Variants in RUNX1 observed in about 807,000 individuals in gnomAD.
RUNX1 encodes the protein runt-related transcription factor 1.
RUNX1 carries 19 observed loss-of-function variants against 42.8 expected under a neutral mutation model. The ratio of observed to expected loss-of-function variants is 0.44; its 90% confidence interval spans 0.31 to 0.65. RUNX1 has a LOEUF of 0.65. Among genes scored for constraint, RUNX1 ranks in the 30% least tolerant of loss-of-function variants. The pLI is 0.07. For missense variants in RUNX1, 528 were observed against 672.0 expected, an observed-to-expected ratio of 0.79 and a Z score of 2.37; for synonymous variants, 271 against 289.4, an observed-to-expected ratio of 0.94 and a Z score of 0.64.
rs550041935 is a variant in RUNX1 at position 34,789,675 on chromosome 21, TG to T, written c.*2459del. ...AAAACAACTACAGTTTGATTTTTTT[TG>T]AAACAATTAAATACTATATATGCTG... is the stretch of plus-strand genomic sequence containing the variant. On this transcript the variant is annotated 3_prime_UTR_variant, in exon 9 of 9. Transcript: ENST00000675419. The T allele has an allele frequency of 7.3e-5, 17 of 233,290 alleles. No individual in the cohort carries two copies. Among genetic ancestry groups the T allele is most frequent in the Admixed American group, 4.5e-4 (8 of 17,790 alleles). 14.5% of individuals were successfully genotyped at this position (233,290 alleles called of 1,614,324 possible). A position where few individuals can be genotyped will look rare whatever the true frequency, so the allele number is the denominator to read the frequency against.
intron 2 of RUNX1, among the ~76,000 whole-genome samples, chr21:35,017,261 G>A (rs2059166096): frequency 6.6e-6 from 1 of 152,168 alleles, no homozygotes; most frequent in African/African-American, 2.4e-5. Flanking sequence ...GGGGTATGCT[G>A]ACAGATCAGC....
intron 2 of RUNX1, among the ~76,000 whole-genome samples, chr21:34,911,099 CAG>C (rs1205706710): frequency 6.6e-6 from 1 of 152,094 alleles, no homozygotes; most frequent in Non-Finnish European, 1.5e-5. Flanking sequence ...AAAGAGGGCA[CAG>C]AAAGCATTTT....
At chr21:34,870,091 C>A (rs1041852253) in intron 5 of RUNX1, among the ~76,000 whole-genome samples, 2 of 152,134 alleles carry the variant, frequency 1.3e-5, no homozygotes, top group African/African-American at 2.4e-5. Context: ...AACCCTTTCA[C>A]GACCACAGAA....
At chr21:35,000,236 C>CTTTTT (rs397866864) in intron 2 of RUNX1, among the ~76,000 whole-genome samples, 234 of 110,904 alleles carry the variant, frequency 2.1e-3, no homozygotes, top group Non-Finnish European at 2.9e-3. Flanking sequence ...TTCTTTCTTT[C>CTTTTT]TTTTTTTTTT....
intron 6 of RUNX1, among the ~76,000 whole-genome samples, chr21:34,837,155 A>G (rs995106410): frequency 5.3e-5 from 8 of 152,230 alleles, no homozygotes; most frequent in Non-Finnish European, 8.8e-5. Context: ...AGAAGTGTTC[A>G]GGCATAACTC....
chr21:35,018,233 C>T (rs566148753), intron 2 of RUNX1, among the ~76,000 whole-genome samples: 2 of 152,254 alleles, frequency 1.3e-5, no homozygotes, highest in African/African-American at 4.8e-5. Flanking sequence ...ATCATGTTGG[C>T]CAGACTGGTC....
At chr21:34,837,312 A>G (rs1299534217) in intron 6 of RUNX1, among the ~76,000 whole-genome samples, 1 of 152,138 alleles carries the variant, frequency 6.6e-6, no homozygotes, top group African/African-American at 2.4e-5. Flanking sequence ...TTGCCTTGGT[A>G]GGGGTCTTGA....
At chr21:34,994,196 AT>A (rs11459165) in intron 2 of RUNX1, among the ~76,000 whole-genome samples, 5 of 150,948 alleles carry the variant, frequency 3.3e-5, no homozygotes, top group East Asian at 1.9e-4. Context: ...ACGGAACCAC[AT>A]TTTTTTTTAC....
intron 2 of RUNX1, among the ~76,000 whole-genome samples, chr21:35,035,996 C>G (rs1219100335): frequency 6.6e-6 from 1 of 152,094 alleles, no homozygotes; most frequent in East Asian, 1.9e-4. Context: ...TGCTGTGGGT[C>G]TGGGGGCCAG....
intron 2 of RUNX1, among the ~76,000 whole-genome samples, chr21:35,012,601 C>T (rs1429760910): frequency 6.6e-6 from 1 of 152,056 alleles, no homozygotes; most frequent in African/African-American, 2.4e-5. Flanking sequence ...AATTAGTGAC[C>T]CACAGGTTTG....
At chr21:35,044,953 C>T (rs976506941) in intron 2 of RUNX1, among the ~76,000 whole-genome samples, 5 of 152,182 alleles carry the variant, frequency 3.3e-5, no homozygotes, top group African/African-American at 4.8e-5. Context: ...CCCCTGTACT[C>T]GGTGTGTGAG....
At chr21:35,024,600 G>T (rs2059222497) in intron 2 of RUNX1, among the ~76,000 whole-genome samples, 1 of 152,224 alleles carries the variant, frequency 6.6e-6, no homozygotes, top group South Asian at 2.1e-4. Context: ...TTCTCAGAAA[G>T]TGAGGATCAG....
intron 5 of RUNX1, among the ~76,000 whole-genome samples, chr21:34,860,326 A>G (rs938111505): frequency 6.6e-6 from 1 of 152,260 alleles, no homozygotes; most frequent in Non-Finnish European, 1.5e-5. Flanking sequence ...TCTTGTTGGT[A>G]AAGTGATTCA....
At chr21:35,031,829 A>G (rs1199881547) in intron 2 of RUNX1, among the ~76,000 whole-genome samples, 1 of 152,256 alleles carries the variant, frequency 6.6e-6, no homozygotes, top group Non-Finnish European at 1.5e-5. Context: ...TTAAATCTAA[A>G]AAGACTGTAC....
intron 2 of RUNX1, among the ~76,000 whole-genome samples, chr21:34,936,866 T>G (rs1206549782): frequency 6.6e-6 from 1 of 152,230 alleles, no homozygotes; most frequent in Non-Finnish European, 1.5e-5. Flanking sequence ...ATTCTTTTTT[T>G]TTCTTCCTAT....
At chr21:34,970,828 C>T (rs2058758735) in intron 2 of RUNX1, among the ~76,000 whole-genome samples, 1 of 152,076 alleles carries the variant, frequency 6.6e-6, no homozygotes, top group Non-Finnish European at 1.5e-5. Flanking sequence ...GAAGAGTATA[C>T]AGCCATTCTT....
At chr21:34,942,109 A>T (rs921278503) in intron 2 of RUNX1, among the ~76,000 whole-genome samples, 1 of 152,042 alleles carries the variant, frequency 6.6e-6, no homozygotes, top group Non-Finnish European at 1.5e-5. Context: ...AATACCAGAG[A>T]TTTTATGGTA....
At chr21:34,813,237 T>A (rs1036536676) in intron 7 of RUNX1, among the ~76,000 whole-genome samples, 36 of 152,020 alleles carry the variant, frequency 2.4e-4, no homozygotes, top group African/African-American at 8.7e-4. Flanking sequence ...GGATGGCCCC[T>A]ACAACAGAGA....
chr21:34,804,137 T>A (rs963492231), intron 7 of RUNX1, among the ~76,000 whole-genome samples: 2 of 152,236 alleles, frequency 1.3e-5, no homozygotes, highest in African/African-American at 4.8e-5. Context: ...GCAGAATTTC[T>A]GAATTCATAA....
Sources: allele counts gnomAD v4.1 joint callset (sites outside exome capture counted in the v4.1 genomes callset), GRCh38; gene constraint gnomAD v4.1.1; transcripts MANE v1.5; gene names NCBI Gene and HGNC (gene_info 2026-07-23, HGNC 2026-07-21).